ARHGEF7: variants seen among roughly 807,000 people sequenced by gnomAD.
ARHGEF7 encodes Rho guanine nucleotide exchange factor 7, also known as PAK-interacting exchange factor beta.
In ARHGEF7, 33 loss-of-function variants were observed where a neutral mutation model predicts 109.8. That is an observed-to-expected ratio of 0.30 (90% CI 0.23 to 0.40). The LOEUF (loss-of-function observed/expected upper bound fraction) is 0.40. Among genes scored for constraint, ARHGEF7 ranks in the 10% least tolerant of loss-of-function variants. The pLI, the probability that ARHGEF7 is intolerant of heterozygous loss-of-function variation, is 1.00. For missense variants in ARHGEF7, 938 were observed against 1,098.5 expected, an observed-to-expected ratio of 0.85 and a Z score of 2.07; for synonymous variants, 458 against 424.6, an observed-to-expected ratio of 1.08 and a Z score of -0.97.
chr13:111,168,325 TG>T (rs2077301702), intron 2 of ARHGEF7, among the ~76,000 whole-genome samples: 1 of 152,216 alleles, frequency 6.6e-6, no homozygotes, highest in Non-Finnish European at 1.5e-5. Flanking sequence ...GGCAGGGGTG[TG>T]GGTCCCCTCC....
chr13:111,302,049 C>T (rs1265695675), intron 21 of ARHGEF7, among the ~76,000 whole-genome samples: 3 of 151,982 alleles, frequency 2.0e-5, no homozygotes, highest in Non-Finnish European at 4.4e-5. Context: ...CATAAAACAT[C>T]GCAAATTCTG....
chr13:111,292,420 T>C, intron 19 of ARHGEF7, 126 bp downstream of exon 19: 1 of 1,492,170 alleles, frequency 6.7e-7, no homozygotes, highest in Admixed American at 2.4e-5. Flanking sequence ...GTCTCTTTTA[T>C]GTGATATTTT....
intron 1 of ARHGEF7, among the ~76,000 whole-genome samples, chr13:111,123,301 T>C (rs1313175289): frequency 2.0e-5 from 3 of 152,124 alleles, no homozygotes; most frequent in Non-Finnish European, 1.5e-5. Context: ...GAGAACTCAG[T>C]TGTCCCTGCT....
chr13:111,174,648 A>G (rs2077943325), intron 2 of ARHGEF7, among the ~76,000 whole-genome samples: 1 of 152,206 alleles, frequency 6.6e-6, no homozygotes, highest in East Asian at 1.9e-4. Flanking sequence ...CCTTAGTTAA[A>G]GTAGACATCT....
intron 8 of ARHGEF7, among the ~76,000 whole-genome samples, chr13:111,256,620 C>T (rs1234929994): frequency 2.0e-5 from 3 of 152,244 alleles, no homozygotes; most frequent in South Asian, 4.1e-4. Context: ...GGCATCTCCT[C>T]CTTCCTCCTC....
At chr13:111,177,918 G>A (rs2078321986) in intron 2 of ARHGEF7, among the ~76,000 whole-genome samples, 2 of 152,212 alleles carry the variant, frequency 1.3e-5, no homozygotes, top group Admixed American at 6.5e-5. Context: ...AGTGGGAACA[G>A]TGAAGCTTGA....
chr13:111,176,076 T>A (rs1566716213), intron 2 of ARHGEF7, among the ~76,000 whole-genome samples: 1 of 152,088 alleles, frequency 6.6e-6, no homozygotes, highest in Non-Finnish European at 1.5e-5. Flanking sequence ...TTTCTGGAAG[T>A]AGAAGTCAAG....
At chr13:111,220,468 T>G (rs1177669847) in intron 5 of ARHGEF7, among the ~76,000 whole-genome samples, 1 of 152,160 alleles carries the variant, frequency 6.6e-6, no homozygotes, top group Non-Finnish European at 1.5e-5. Context: ...TCCTTGTGGA[T>G]TTTTTAGAAG....
At chr13:111,298,284 T>G (rs2093470757) in intron 19 of ARHGEF7, among the ~76,000 whole-genome samples, 1 of 152,270 alleles carries the variant, frequency 6.6e-6, no homozygotes, top group Non-Finnish European at 1.5e-5. Flanking sequence ...GGTAGAAACA[T>G]GGGTACCCTT....
chr13:111,128,296 T>G (rs555999557), intron 1 of ARHGEF7, among the ~76,000 whole-genome samples: 2 of 152,234 alleles, frequency 1.3e-5, no homozygotes, highest in East Asian at 3.9e-4. Context: ...TATATGATTG[T>G]GTAGGAAATT....
intron 1 of ARHGEF7, among the ~76,000 whole-genome samples, chr13:111,146,657 G>GT (rs1051763051): frequency 6.6e-6 from 1 of 152,064 alleles, no homozygotes; most frequent in Non-Finnish European, 1.5e-5. Context: ...TTCTGTAGTG[G>GT]TTTTTTTACT....
chr13:111,181,164 A>G lies in ARHGEF7; in HGVS notation c.253-24125A>G, dbSNP rs189306257. On this transcript the variant is annotated intron_variant, in intron 2 of 21. Transcript: ENST00000646102. ...TTTATGGATTCTGTGTGTATTGGTT[A>G]CATTGTGAAATACATTTTTTAGTGT... Among the ~76,000 whole-genome samples the G allele has an allele frequency of 3.0e-4, 45 of 152,366 alleles. No homozygotes were observed. In the Middle Eastern group the frequency reaches 0.02, roughly 69 times the overall value.
chr13:111,246,742 A>G (rs1398805826), intron 8 of ARHGEF7, among the ~76,000 whole-genome samples: 2 of 152,220 alleles, frequency 1.3e-5, no homozygotes, highest in Non-Finnish European at 2.9e-5. Context: ...CTGATAATTC[A>G]AAGTCTTTGT....
chr13:111,150,240 G>A (rs1472261907), intron 1 of ARHGEF7, among the ~76,000 whole-genome samples: 1 of 152,222 alleles, frequency 6.6e-6, no homozygotes, highest in Non-Finnish European at 1.5e-5. Context: ...GTGAGGCCAC[G>A]TTCAAGTACA....
chr13:111,287,886 G>T (rs2093092178), intron 17 of ARHGEF7, among the ~76,000 whole-genome samples: 1 of 152,264 alleles, frequency 6.6e-6, no homozygotes, highest in East Asian at 1.9e-4. Flanking sequence ...GAACAGACAG[G>T]CACGGATGGC....
At chr13:111,129,638 A>G (rs2074635312) in intron 1 of ARHGEF7, among the ~76,000 whole-genome samples, 1 of 152,212 alleles carries the variant, frequency 6.6e-6, no homozygotes, top group Non-Finnish European at 1.5e-5. Flanking sequence ...ATTATCAGTC[A>G]TTAGGGAAGT....
Position 111,153,925 on chromosome 13 carries a change from C to A in ARHGEF7, c.186C>A (p.Ser62Arg). Reference protein sequence around the residue: ...TIEKVYPEPRSESECLSNIRE... With the variant: ...TIEKVYPEPRRESECLSNIRE... ...TGCAGGTCTACCCCGAGCCCCGGAG[C>A]GAGAGCGAGTGCCTGAGCAACATCC... The change falls in exon 2 of 22, where the codon AGC becomes AGA. Residue 62 changes from serine (S) to arginine (R), a missense_variant. By Grantham distance (110) the Ser-to-Arg change is moderately radical. Around this residue, in one of 4 missense-constraint regions of ARHGEF7, gnomAD observed 165 missense variants for 125.8 expected, o/e 1.31. Coordinates refer to ENST00000646102, the MANE Select transcript of ARHGEF7 (RefSeq NM_001354046.2). 6.2e-7 allele frequency: 1 copy of A among 1,605,302 alleles called. No individual in the cohort carries two copies. Among genetic ancestry groups the A allele is most frequent in the Non-Finnish European group, 8.5e-7 (1 of 1,177,202 alleles).
chr13:111,201,314 G>C (rs1465823512), intron 2 of ARHGEF7, among the ~76,000 whole-genome samples: 1 of 152,160 alleles, frequency 6.6e-6, no homozygotes, highest in East Asian at 1.9e-4. Flanking sequence ...ATTTCACAGA[G>C]GGCAAGATAA....
chr13:111,272,021 T>C lies in ARHGEF7; in HGVS notation c.1074-1793T>C, dbSNP rs112815096. ...GACCACCCTGGTTTTGTAGAAAGCG[T>C]TGAGATGTAAGTGGCCTTCTCAGAA... On this transcript the variant is annotated intron_variant, in intron 9 of 21. Transcript: ENST00000646102. This position sits in a 1 kb window ranked among gnomAD's most constrained non-coding sequence, Gnocchi z 5.2. Among the ~76,000 whole-genome samples the C allele has an allele frequency of 3.2e-4, 49 of 152,222 alleles. No individual in the cohort carries two copies. Among genetic ancestry groups the C allele is most frequent in the African/African-American group, 1.1e-3 (44 of 41,530 alleles).
Sources: allele counts gnomAD v4.1 joint callset (sites outside exome capture counted in the v4.1 genomes callset), GRCh38; gene constraint gnomAD v4.1.1; regional missense constraint gnomAD v4.1.1; non-coding constraint Gnocchi (gnomAD v3.1); transcripts MANE v1.5; gene names NCBI Gene and HGNC (gene_info 2026-07-23, HGNC 2026-07-21).